GABRB1: variants seen among roughly 807,000 people sequenced by gnomAD.
The protein encoded by GABRB1 is gamma-aminobutyric acid receptor subunit beta-1.
Under a neutral mutation model 51.6 loss-of-function variants are expected in GABRB1, and 17 were observed. That is an observed-to-expected ratio of 0.33 (90% CI 0.23 to 0.49). The LOEUF is 0.49. Ranked by LOEUF, GABRB1 falls within the 20% of genes least tolerant of loss-of-function variation. GABRB1 has a pLI of 0.99. For synonymous variants in GABRB1, 247 were observed against 218.9 expected, an observed-to-expected ratio of 1.13 and a Z score of -1.14; for missense variants, 410 against 600.6, an observed-to-expected ratio of 0.68 and a Z score of 3.32.
chr4:47,378,516 G>T (rs980309051), intron 5 of GABRB1, among the ~76,000 whole-genome samples: 4 of 152,208 alleles, frequency 2.6e-5, no homozygotes, highest in Non-Finnish European at 5.9e-5. Flanking sequence ...TGCAGCGGTG[G>T]GCTGAAGGGC....
intron 5 of GABRB1, among the ~76,000 whole-genome samples, chr4:47,353,203 G>T (rs1726425126): frequency 6.6e-6 from 1 of 152,142 alleles, no homozygotes; most frequent in Non-Finnish European, 1.5e-5. Flanking sequence ...CACAACACAT[G>T]GGAATTATGG....
chr4:47,401,495 A>G (rs976423819), intron 5 of GABRB1, among the ~76,000 whole-genome samples: 8 of 152,232 alleles, frequency 5.3e-5, no homozygotes, highest in Non-Finnish European at 1.2e-4. Flanking sequence ...TCACTGTTCT[A>G]ATCCCCACCC....
chr4:47,306,258 G>GA (rs34414124), intron 4 of GABRB1, among the ~76,000 whole-genome samples: 7 of 129,568 alleles, frequency 5.4e-5, no homozygotes, highest in African/African-American at 1.4e-4. Context: ...CAATTGACAA[G>GA]AAAAAAAAAA....
chr4:47,137,992 G>T (rs1189621233), intron 3 of GABRB1, among the ~76,000 whole-genome samples: 1 of 152,072 alleles, frequency 6.6e-6, no homozygotes, highest in Non-Finnish European at 1.5e-5. Context: ...TATTTCCATT[G>T]CAGTGAGGTT....
At chr4:47,382,279 G>C (rs776579598) in intron 5 of GABRB1, among the ~76,000 whole-genome samples, 6 of 152,100 alleles carry the variant, frequency 3.9e-5, no homozygotes, top group Non-Finnish European at 8.8e-5. Flanking sequence ...TTCTTTGTGG[G>C]AAGTTTAGCA....
chr4:47,393,638 G>C (rs1728083417), intron 5 of GABRB1, among the ~76,000 whole-genome samples: 1 of 152,182 alleles, frequency 6.6e-6, no homozygotes, highest in Non-Finnish European at 1.5e-5. Flanking sequence ...ATTTCATGAA[G>C]TAAATCACAA....
chr4:47,301,851 G>A (rs1724275798), intron 4 of GABRB1, among the ~76,000 whole-genome samples: 1 of 152,066 alleles, frequency 6.6e-6, no homozygotes, highest in South Asian at 2.1e-4. Context: ...AATTCTACAG[G>A]TAGAAATTTG....
At chr4:47,327,590 CT>C (rs2109970845) in intron 5 of GABRB1, among the ~76,000 whole-genome samples, 1 of 152,236 alleles carries the variant, frequency 6.6e-6, no homozygotes, top group African/African-American at 2.4e-5. Flanking sequence ...CACCTGGTTA[CT>C]TTTACACTGG....
intron 4 of GABRB1, among the ~76,000 whole-genome samples, chr4:47,186,283 A>G (rs1719180492): frequency 6.6e-6 from 1 of 151,818 alleles, no homozygotes; most frequent in Non-Finnish European, 1.5e-5. Flanking sequence ...CAAAAGATTC[A>G]GTTGTCTGTC....
At chr4:47,286,668 T>A (rs1192464472) in intron 4 of GABRB1, among the ~76,000 whole-genome samples, 3 of 152,176 alleles carry the variant, frequency 2.0e-5, no homozygotes, top group Non-Finnish European at 2.9e-5. Context: ...GCTTATGAGG[T>A]ATAGGTAAAA....
At chr4:47,009,772 A>T (rs1724534571) in intron 1 of GABRB1, among the ~76,000 whole-genome samples, 1 of 152,214 alleles carries the variant, frequency 6.6e-6, no homozygotes, top group South Asian at 2.1e-4. Context: ...AAGTGTGCCA[A>T]AAACATTATG....
chr4:47,123,742 A>ATTT (rs1400628613), intron 3 of GABRB1, among the ~76,000 whole-genome samples: 1 of 47,828 alleles, frequency 2.1e-5, no homozygotes, highest in African/African-American at 8.3e-5. Flanking sequence ...ATATATTATT[A>ATTT]TATATATAAT....
chr4:47,219,359 T>C (rs867126789), intron 4 of GABRB1, among the ~76,000 whole-genome samples: 21 of 151,908 alleles, frequency 1.4e-4, no homozygotes, highest in African/African-American at 4.8e-4. Flanking sequence ...TTGCAGAAAT[T>C]AGATACTAAA....
chr4:47,122,906 C>T (rs1715843519), intron 3 of GABRB1, among the ~76,000 whole-genome samples: 1 of 152,132 alleles, frequency 6.6e-6, no homozygotes, highest in Non-Finnish European at 1.5e-5. Context: ...ACGAGCTGAC[C>T]AGCTGAAATG....
intron 5 of GABRB1, among the ~76,000 whole-genome samples, chr4:47,368,641 G>C (rs1693909148): frequency 6.6e-6 from 1 of 152,128 alleles, no homozygotes; most frequent in South Asian, 2.1e-4. Flanking sequence ...CGTGGATTCT[G>C]ATAGCCAGTG....
At chr4:47,235,605 T>C (rs1048625681) in intron 4 of GABRB1, among the ~76,000 whole-genome samples, 5 of 151,858 alleles carry the variant, frequency 3.3e-5, no homozygotes, top group African/African-American at 7.3e-5. Flanking sequence ...AGAAAAACTC[T>C]TTGGGAAGAT....
rs192061139 is a variant in GABRB1 at position 47,271,185 on chromosome 4, C to T, written c.462-48942C>T. 2.6e-5 allele frequency among the ~76,000 whole-genome samples: 4 copies of T among 152,006 alleles called. No individual in the cohort carries two copies. The East Asian group carries it at 7.7e-4, about 29-fold the overall frequency. On this transcript the variant is annotated intron_variant, in intron 4 of 8. Transcript: ENST00000295454. Reference sequence around the variant, plus strand: ...TTATCTCACAGCCCTGAGAGCCTACCCATTATTAACATGTTTATATATTCC... The same window carrying T: ...TTATCTCACAGCCCTGAGAGCCTACTCATTATTAACATGTTTATATATTCC...
intron 4 of GABRB1, among the ~76,000 whole-genome samples, chr4:47,297,084 A>G (rs1724030117): frequency 6.6e-6 from 1 of 152,136 alleles, no homozygotes; most frequent in African/African-American, 2.4e-5. Flanking sequence ...ACAACATACC[A>G]GAATCTCTGG....
intron 3 of GABRB1, among the ~76,000 whole-genome samples, chr4:47,132,229 T>A (rs576551456): frequency 5.9e-5 from 9 of 152,226 alleles, no homozygotes; most frequent in African/African-American, 2.2e-4. Context: ...TATCAATCAC[T>A]GTTTATGTTG....
Sources: gnomAD v4.1 joint callset for allele counts (sites outside exome capture counted in the v4.1 genomes callset) on GRCh38, gnomAD v4.1.1 for gene constraint, MANE v1.5 for transcripts, NCBI Gene and HGNC (gene_info 2026-07-23, HGNC 2026-07-21) for gene names.